ZRANB3: variants seen among roughly 807,000 people sequenced by gnomAD.
ZRANB3 encodes zinc finger RANBP2-type containing 3.
Under a neutral mutation model 133.8 loss-of-function variants are expected in ZRANB3, and 125 were observed. The ratio of observed to expected loss-of-function variants is 0.93; its 90% CI spans 0.81 to 1.08. ZRANB3 has a LOEUF of 1.08. Among genes scored for constraint, ZRANB3 ranks in the 50% least tolerant of loss-of-function variants. The probability of loss-of-function intolerance (pLI) is 0.00; values close to 1 mark genes in which losing one functional copy is unlikely to be tolerated. For missense variants in ZRANB3, 1,229 were observed against 1,275.5 expected (o/e 0.96, Z 0.56); for synonymous variants, 387 against 432.7 (o/e 0.89, Z 1.31).
chr2:135,293,506 G>A (rs1376293879), intron 8 of ZRANB3, among the ~76,000 whole-genome samples: 1 of 152,112 alleles, frequency 6.6e-6, no homozygotes, highest in African/African-American at 2.4e-5. Flanking sequence ...CTGAGACGAT[G>A]GGGTTTTCTA....
chr2:135,256,035 C>T (rs959175342), intron 12 of ZRANB3, among the ~76,000 whole-genome samples: 2 of 151,798 alleles, frequency 1.3e-5, no homozygotes, highest in Non-Finnish European at 2.9e-5. Context: ...TCACCTCAGC[C>T]TCCTGAGTAG....
At chr2:135,478,973 CAGGA>C (rs1213381432) in intron 2 of ZRANB3, among the ~76,000 whole-genome samples, 1 of 151,752 alleles carries the variant, frequency 6.6e-6, no homozygotes, top group East Asian at 1.9e-4. Flanking sequence ...GATATACCTA[CAGGA>C]AGGATTACTA....
intron 2 of ZRANB3, among the ~76,000 whole-genome samples, chr2:135,392,000 T>C (rs549994331): frequency 6.6e-6 from 1 of 152,212 alleles, no homozygotes; most frequent in East Asian, 1.9e-4. Flanking sequence ...AAGTATTAAG[T>C]AGCAGAAAAA....
chr2:135,394,604 G>C (rs1280836976), intron 2 of ZRANB3, among the ~76,000 whole-genome samples: 1 of 152,046 alleles, frequency 6.6e-6, no homozygotes, highest in Non-Finnish European at 1.5e-5. Context: ...ACTGGGTATA[G>C]AGTTTCAGAT....
chr2:135,469,244 G>GACACACAC (rs149939641), intron 2 of ZRANB3, among the ~76,000 whole-genome samples: 46 of 147,842 alleles, frequency 3.1e-4, no homozygotes, highest in African/African-American at 1.1e-3. Flanking sequence ...CATGCATGCA[G>GACACACAC]ACACACACAC....
intron 2 of ZRANB3, among the ~76,000 whole-genome samples, chr2:135,402,791 G>A (rs552106435): frequency 6.6e-6 from 1 of 152,106 alleles, no homozygotes; most frequent in South Asian, 2.1e-4. Context: ...GCACCATGTT[G>A]GCCAGACTGG....
At chr2:135,276,372 G>A (rs1573812516) in intron 8 of ZRANB3, among the ~76,000 whole-genome samples, 1 of 152,146 alleles carries the variant, frequency 6.6e-6, no homozygotes, top group Admixed American at 6.5e-5. Flanking sequence ...GAAGAGGCTG[G>A]AGTGATGGGA....
chr2:135,490,770 T>C (rs1436615742), intron 2 of ZRANB3, among the ~76,000 whole-genome samples: 2 of 152,062 alleles, frequency 1.3e-5, no homozygotes, highest in Non-Finnish European at 2.9e-5. Context: ...AAAAAGAAAA[T>C]GTGATATATA....
At chr2:135,244,849 G>A (rs916531974) in intron 12 of ZRANB3, among the ~76,000 whole-genome samples, 5 of 152,196 alleles carry the variant, frequency 3.3e-5, no homozygotes, top group Non-Finnish European at 5.9e-5. Flanking sequence ...GGTAAGGTTA[G>A]CAGTGACTGA....
intron 8 of ZRANB3, among the ~76,000 whole-genome samples, chr2:135,305,839 GC>G (rs1485969787): frequency 1.3e-5 from 2 of 152,064 alleles, no homozygotes; most frequent in African/African-American, 4.8e-5. Context: ...TTGAAGGATA[GC>G]TTTGTTGGGT....
At chr2:135,502,766 T>C (rs1322026811) in intron 2 of ZRANB3, among the ~76,000 whole-genome samples, 3 of 152,148 alleles carry the variant, frequency 2.0e-5, no homozygotes, top group South Asian at 4.1e-4. Context: ...TATGGAAGAG[T>C]ACAACTTTTC....
chr2:135,230,931 G>C lies in ZRANB3; in HGVS notation c.1540-4C>G. The stretch of plus-strand genomic sequence containing the variant: ...CATGCTGTTTTTCTTTTTCGAACTA[G>C]GAAAAGCAAACAGTAGTTATCAAAG... On this transcript the variant is annotated splice_region_variant and splice_polypyrimidine_tract_variant and intron_variant, in intron 12 of 20. Transcript: ENST00000264159. 6.5e-7 allele frequency: 1 copy of C among 1,533,738 alleles called. No homozygotes were observed. Among genetic ancestry groups the C allele is most frequent in the Non-Finnish European group, 8.7e-7 (1 of 1,143,442 alleles).
intron 14 of ZRANB3, 46 bp downstream of exon 14, chr2:135,227,766 A>C (rs756255932): frequency 6.5e-7 from 1 of 1,527,800 alleles, no homozygotes; most frequent in Non-Finnish European, 8.9e-7. Flanking sequence ...TATGTGTGAA[A>C]GTATATGGTT....
At chr2:135,453,143 T>G (rs548576870) in intron 2 of ZRANB3, among the ~76,000 whole-genome samples, 3 of 152,346 alleles carry the variant, frequency 2.0e-5, no homozygotes, top group Non-Finnish European at 2.9e-5. Flanking sequence ...GGCTTGGGGC[T>G]TCCACCCTCT....
At chr2:135,446,971 G>A (rs1186964595) in intron 2 of ZRANB3, among the ~76,000 whole-genome samples, 2 of 151,798 alleles carry the variant, frequency 1.3e-5, no homozygotes, top group African/African-American at 4.8e-5. Context: ...TTAACCTCTT[G>A]GGTTGTTCTG....
chr2:135,227,385 T>C (rs988237691), intron 14 of ZRANB3, among the ~76,000 whole-genome samples: 1 of 152,260 alleles, frequency 6.6e-6, no homozygotes, highest in African/African-American at 2.4e-5. Context: ...AATACTTTTT[T>C]AAAAATATGC....
chr2:135,376,468 G>A (rs1686433392), intron 3 of ZRANB3, among the ~76,000 whole-genome samples: 1 of 152,126 alleles, frequency 6.6e-6, no homozygotes, highest in Non-Finnish European at 1.5e-5. Flanking sequence ...ACGAAAAAAC[G>A]AACTGTGGTA....
chr2:135,230,424 C>T (rs1007602831), intron 13 of ZRANB3, 89 bp downstream of exon 13: 2 of 1,253,024 alleles, frequency 1.6e-6, no homozygotes, highest in African/African-American at 3.0e-5. Context: ...GTCACACTAA[C>T]CCTGGATAAC....
chr2:135,324,078 ATTTTT>A (rs960225691), intron 6 of ZRANB3, among the ~76,000 whole-genome samples: 2 of 150,828 alleles, frequency 1.3e-5, no homozygotes, highest in African/African-American at 4.9e-5. Flanking sequence ...CCTCATCTTG[ATTTTT>A]TTTTATTATT....
Sources: allele counts gnomAD v4.1 joint callset (sites outside exome capture counted in the v4.1 genomes callset), GRCh38; gene constraint gnomAD v4.1.1; transcripts MANE v1.5; gene names NCBI Gene and HGNC (gene_info 2026-07-23, HGNC 2026-07-21).